Variants in LRRC72 observed in about 807,000 individuals in gnomAD.
LRRC72 encodes the protein leucine-rich repeat-containing protein 72.
LRRC72 carries 41 observed loss-of-function variants against 35.8 expected under a neutral mutation model. The observed-to-expected ratio is 1.15, with a 90% confidence interval of 0.89 to 1.49. The LOEUF is 1.49. LRRC72 is among the 40% of genes most tolerant of loss of function. The pLI is 0.00. For missense variants in LRRC72, 389 were observed against 330.7 expected, an observed-to-expected ratio of 1.18 and a Z score of -1.37; for synonymous variants, 118 against 119.2, an observed-to-expected ratio of 0.99 and a Z score of 0.07.
intron 3 of LRRC72, among the ~76,000 whole-genome samples, chr7:16,554,516 G>T (rs1444680027): frequency 6.6e-6 from 1 of 151,792 alleles, no homozygotes; most frequent in African/African-American, 2.4e-5. Context: ...TCTACTTTGG[G>T]CCACCACAAA....
chr7:16,548,301 GC>G (rs909926471), intron 3 of LRRC72, among the ~76,000 whole-genome samples: 10 of 152,182 alleles, frequency 6.6e-5, no homozygotes, highest in Admixed American at 2.0e-4. Context: ...GAATGGCGGG[GC>G]TAAAAGAGCC....
chr7:16,527,016 G>A lies in LRRC72; in HGVS notation c.64G>A (p.Glu22Lys), dbSNP rs1465442914. Residue 22 changes from glutamate (E) to lysine (K), a missense_variant, in exon 1 of 9, where the codon GAA (glutamate) becomes AAA (lysine). Glu to Lys is a moderately conservative substitution (Grantham distance 56, BLOSUM62 1). Transcript: ENST00000401542. ...LRCWRLRRAS[E>K]TALQSSRRAV... Reference sequence around the variant, plus strand: ...ATGCTGGCGCCTACGGAGGGCATCCGAAACTGCCCTACAGAGCAGTCGCCG... The same window carrying A: ...ATGCTGGCGCCTACGGAGGGCATCCAAAACTGCCCTACAGAGCAGTCGCCG... 1.8e-5 allele frequency: 27 copies of A among 1,539,234 alleles called. No individual in the cohort carries two copies. The highest frequency in any genetic ancestry group is 2.4e-5 in the Non-Finnish European group (27 of 1,146,914).
At chr7:16,577,683 C>A (rs1316046508) in intron 7 of LRRC72, among the ~76,000 whole-genome samples, 2 of 152,072 alleles carry the variant, frequency 1.3e-5, no homozygotes, top group East Asian at 1.9e-4. Context: ...GAAGTTAACA[C>A]TCATAATTTC....
chr7:16,577,828 C>T (rs576779665), intron 7 of LRRC72, among the ~76,000 whole-genome samples: 2 of 152,138 alleles, frequency 1.3e-5, no homozygotes, highest in South Asian at 2.1e-4. Context: ...GAAATAAAAA[C>T]AATGAGATAC....
intron 3 of LRRC72, among the ~76,000 whole-genome samples, chr7:16,547,311 G>T (rs955748658): frequency 5.9e-5 from 9 of 152,136 alleles, no homozygotes; most frequent in Admixed American, 1.3e-4. Flanking sequence ...GGCACGGAGT[G>T]GGGGGCAGAG....
rs972057490 is a variant in LRRC72, at chr7:16,532,671, G to C, written c.164+103G>C. ...TTATTTTCCATTTTTCCCCCTCAAGGACTGGGTAGGACTCCAATTATTTTA... is the reference window on the plus strand; with the variant it reads ...TTATTTTCCATTTTTCCCCCTCAAGCACTGGGTAGGACTCCAATTATTTTA... On this transcript the variant is annotated intron_variant, in intron 2 of 8. Coordinates refer to ENST00000401542, the MANE Select transcript of LRRC72 (RefSeq NM_001195280.2). 16 of 840,314 alleles carry C rather than the reference G, an allele frequency of 1.9e-5. No homozygotes were observed. In the Admixed American group the frequency reaches 2.6e-4, roughly 14 times the overall value. The allele number at this position is 840,314 out of a possible 1,614,324, so 52.1% of individuals were successfully genotyped here. A position where few individuals can be genotyped will look rare whatever the true frequency, so the allele number is the denominator to read the frequency against.
intron 3 of LRRC72, among the ~76,000 whole-genome samples, chr7:16,555,642 T>C (rs1782637799): frequency 6.6e-6 from 1 of 152,066 alleles, no homozygotes; most frequent in Non-Finnish European, 1.5e-5. Flanking sequence ...TATGGCGGCA[T>C]GTGCCTGTAG....
chr7:16,581,548 C>A lies in LRRC72; in HGVS notation c.*59C>A. 1 of 1,277,082 alleles carries A rather than the reference C, an allele frequency of 7.8e-7. No homozygotes were observed. Among genetic ancestry groups the A allele is most frequent in the Non-Finnish European group, 1.0e-6 (1 of 967,648 alleles). The allele number at this position is 1,277,082 out of a possible 1,614,324, so 79.1% of individuals were successfully genotyped here. A position where few individuals can be genotyped will look rare whatever the true frequency, so the allele number is the denominator to read the frequency against. On this transcript the variant is annotated 3_prime_UTR_variant, in exon 9 of 9. Coordinates refer to ENST00000401542, the MANE Select transcript of LRRC72 (RefSeq NM_001195280.2). ...AGTTGTATATTAAACTTCCCTGTGA[C>A]TTAGCATATTACATACTTACAATGA...
chr7:16,564,562 A>G (rs1224130179), intron 5 of LRRC72, among the ~76,000 whole-genome samples: 2 of 151,310 alleles, frequency 1.3e-5, no homozygotes, highest in African/African-American at 4.9e-5. Flanking sequence ...TTACTTACAT[A>G]TTTCCTTTCT....
chr7:16,570,777 A>G (rs1782929895), intron 7 of LRRC72, among the ~76,000 whole-genome samples: 1 of 152,126 alleles, frequency 6.6e-6, no homozygotes, highest in Non-Finnish European at 1.5e-5. Context: ...CCAAGATCAC[A>G]CCACTGCACT....
intron 7 of LRRC72, among the ~76,000 whole-genome samples, chr7:16,571,203 G>A (rs1366529095): frequency 1.3e-5 from 2 of 152,112 alleles, no homozygotes; most frequent in African/African-American, 4.8e-5. Context: ...TCTAAGGCCC[G>A]TCAATCATCT....
At chr7:16,547,289 G>A (rs956473882) in intron 3 of LRRC72, among the ~76,000 whole-genome samples, 41 of 152,296 alleles carry the variant, frequency 2.7e-4, no homozygotes, top group Admixed American at 6.5e-4. Context: ...TGGTGGAGGA[G>A]CAGTGTGGTT....
chr7:16,533,691 C>G (rs1262155570), intron 2 of LRRC72, among the ~76,000 whole-genome samples: 2 of 151,868 alleles, frequency 1.3e-5, no homozygotes, highest in African/African-American at 4.8e-5. Flanking sequence ...TTTATCAGTA[C>G]AGAGAAAAGT....
rs568298911 is a variant in LRRC72 at position 16,555,081 on chromosome 7, G to A, written c.235-2279G>A. On this transcript the variant is annotated intron_variant, in intron 3 of 8. Transcript: ENST00000401542. ...TTCGAAAGTGATAAGGAGCCAACAGGGACACTCACCTTCTGGCTTTGAATG... is the reference window on the plus strand; with the variant it reads ...TTCGAAAGTGATAAGGAGCCAACAGAGACACTCACCTTCTGGCTTTGAATG... 2.0e-4 allele frequency among the ~76,000 whole-genome samples: 30 copies of A among 152,266 alleles called. No homozygotes were observed. In the South Asian group the frequency reaches 6.2e-3, roughly 32 times the overall value.
intron 3 of LRRC72, among the ~76,000 whole-genome samples, chr7:16,549,273 G>A (rs956608535): frequency 1.3e-5 from 2 of 152,172 alleles, no homozygotes; most frequent in East Asian, 1.9e-4. Flanking sequence ...TACTAGTTAA[G>A]GTAACAGAAT....
intron 3 of LRRC72, among the ~76,000 whole-genome samples, chr7:16,556,817 C>G (rs1249286431): frequency 2.0e-5 from 3 of 152,194 alleles, no homozygotes; most frequent in South Asian, 2.1e-4. Context: ...CGTACTGCGG[C>G]AGGCCACTCA....
At chr7:16,537,840 C>A in intron 3 of LRRC72, 144 bp downstream of exon 3, 2 of 547,594 alleles carry the variant, frequency 3.7e-6, no homozygotes, top group Non-Finnish European at 6.5e-6. Flanking sequence ...ACATATATAT[C>A]TGGTACATAT....
At chr7:16,581,214 C>A (rs888174986) in intron 8 of LRRC72, 110 bp from the exon 9 acceptor site, 12 of 1,020,344 alleles carry the variant, frequency 1.2e-5, no homozygotes, top group Non-Finnish European at 1.6e-5. Flanking sequence ...TACTATACTA[C>A]AAATAACACA....
In LRRC72 at chr7:16,566,415, C is replaced by G; in HGVS notation, c.517+13C>G. ...CTTGACCGAAATCGTAAGGACCCTT[C>G]CTTCTTGCAAAGAAATATTTGAGAA... On this transcript the variant is annotated intron_variant, in intron 6 of 8. Coordinates refer to ENST00000401542, the MANE Select transcript of LRRC72 (RefSeq NM_001195280.2). 2.6e-6 allele frequency: 4 copies of G among 1,509,734 alleles called. No homozygotes were observed. The highest frequency in any genetic ancestry group is 3.6e-6 in the Non-Finnish European group (4 of 1,122,160). The allele number at this position is 1,509,734 out of a possible 1,614,324, so 93.5% of individuals were successfully genotyped here.
Sources: allele counts gnomAD v4.1 joint callset (sites outside exome capture counted in the v4.1 genomes callset), GRCh38; gene constraint gnomAD v4.1.1; transcripts MANE v1.5; gene names NCBI Gene and HGNC (gene_info 2026-07-23, HGNC 2026-07-21).